The following MYO5B variants were observed in gnomAD, a reference collection of about 807,000 sequenced individuals.
MYO5B encodes unconventional myosin-Vb.
A neutral mutation model predicts 229.3 loss-of-function variants in MYO5B; 143 were observed. The ratio of observed to expected loss-of-function variants is 0.62; its 90% confidence interval spans 0.54 to 0.72. The LOEUF (loss-of-function observed/expected upper bound fraction) is 0.72. Ranked by LOEUF, MYO5B falls within the 30% of genes least tolerant of loss-of-function variation. MYO5B has a pLI of 0.00. For synonymous variants in MYO5B, 918 were observed against 885.2 expected (o/e 1.04, Z -0.66); for missense variants, 2,321 against 2,331.0 (o/e 1.00, Z 0.09).
intron 20 of MYO5B, among the ~76,000 whole-genome samples, chr18:49,903,638 G>T (rs992220693): frequency 6.6e-6 from 1 of 152,144 alleles, no homozygotes; most frequent in African/African-American, 2.4e-5. Flanking sequence ...TATCAATTTC[G>T]TGCTTTACTT....
intron 1 of MYO5B, among the ~76,000 whole-genome samples, chr18:50,080,661 T>G (rs1412086046): frequency 6.6e-6 from 1 of 152,166 alleles, no homozygotes; most frequent in African/African-American, 2.4e-5. Context: ...AAAAAGCCTA[T>G]TGAATCAAGA....
intron 8 of MYO5B, among the ~76,000 whole-genome samples, chr18:49,981,314 AGTTT>A (rs1285124775): frequency 6.6e-6 from 1 of 152,280 alleles, no homozygotes; most frequent in Non-Finnish European, 1.5e-5. Flanking sequence ...CCTTCCACTT[AGTTT>A]AAGAAATACA....
chr18:50,131,679 G>T (rs1599044354), intron 1 of MYO5B, among the ~76,000 whole-genome samples: 1 of 152,178 alleles, frequency 6.6e-6, no homozygotes, highest in African/African-American at 2.4e-5. Flanking sequence ...ACCTATGGGG[G>T]CAACAGGCAG....
intron 4 of MYO5B, among the ~76,000 whole-genome samples, chr18:50,013,848 C>G (rs1258808316): frequency 6.6e-6 from 1 of 152,192 alleles, no homozygotes; most frequent in Non-Finnish European, 1.5e-5. Flanking sequence ...TTATCCAAAG[C>G]TTGGGTTTCC....
rs1038947368 is a variant in MYO5B at position 49,877,188 on chromosome 18, G to C, written c.3396+575C>G. On this transcript the variant is annotated intron_variant, in intron 25 of 39. Transcript: ENST00000285039. ...CTTTTCAAATGCCAGAGGAAAAATT[G>C]TATCTTTTGTACCTTTGACAAAATT... Among the ~76,000 whole-genome samples the C allele has an allele frequency of 2.6e-5, 4 of 152,276 alleles. No homozygotes were observed. In the South Asian group the frequency reaches 6.2e-4, roughly 24 times the overall value.
rs113131249 is a variant in MYO5B, at chr18:49,866,800, C to T, written c.3604-2420G>A. ...AAAGTACAGATCATGGCACTGCAGCCTGGAACACACTATGACATGAGTGAA... is the reference window on the plus strand; with the variant it reads ...AAAGTACAGATCATGGCACTGCAGCTTGGAACACACTATGACATGAGTGAA... On this transcript the variant is annotated intron_variant, in intron 27 of 39. Transcript: ENST00000285039. 6.0e-3 allele frequency among the ~76,000 whole-genome samples: 908 copies of T among 152,302 alleles called. 10 individuals carry two copies. Among genetic ancestry groups the T allele is most frequent in the African/African-American group, 0.02 (844 of 41,566 alleles).
intron 22 of MYO5B, among the ~76,000 whole-genome samples, chr18:49,893,972 G>C (rs978455628): frequency 3.3e-5 from 5 of 152,216 alleles, no homozygotes; most frequent in African/African-American, 1.2e-4. Flanking sequence ...TCTAGAAGGG[G>C]CCTTGGAGAT....
At chr18:50,054,989 G>C (rs1193904800) in intron 2 of MYO5B, among the ~76,000 whole-genome samples, 1 of 152,034 alleles carries the variant, frequency 6.6e-6, no homozygotes. Flanking sequence ...TCAACCTCCT[G>C]TTCCCTCCAC....
intron 4 of MYO5B, among the ~76,000 whole-genome samples, chr18:50,026,632 T>C (rs2026334309): frequency 6.6e-6 from 1 of 152,226 alleles, no homozygotes. Flanking sequence ...AAATGGAATC[T>C]TACTCAACTA....
At chr18:50,145,492 C>A (rs2032485716) in intron 1 of MYO5B, among the ~76,000 whole-genome samples, 1 of 73,710 alleles carries the variant, frequency 1.4e-5, no homozygotes, top group African/African-American at 6.5e-5. Context: ...AGCAAGACTC[C>A]ATCTCAAAAA....
intron 39 of MYO5B, among the ~76,000 whole-genome samples, chr18:49,834,626 T>C (rs2023963464): frequency 6.6e-6 from 1 of 152,152 alleles, no homozygotes; most frequent in African/African-American, 2.4e-5. Flanking sequence ...TCAAGCATTT[T>C]CCTAAAAGCA....
intron 36 of MYO5B, among the ~76,000 whole-genome samples, chr18:49,838,900 T>C (rs752242926): frequency 6.6e-6 from 1 of 152,210 alleles, no homozygotes; most frequent in Non-Finnish European, 1.5e-5. Flanking sequence ...TGGGAAAAAA[T>C]ACAACATATT....
At chr18:49,980,147 CAATT>C (rs1209063587) in intron 9 of MYO5B, among the ~76,000 whole-genome samples, 3 of 152,286 alleles carry the variant, frequency 2.0e-5, no homozygotes, top group Admixed American at 1.3e-4. Flanking sequence ...AGAAAGTACT[CAATT>C]GATTGACAAC....
chr18:50,027,073 C>T (rs1447763299), intron 4 of MYO5B, among the ~76,000 whole-genome samples: 1 of 152,160 alleles, frequency 6.6e-6, no homozygotes, highest in Non-Finnish European at 1.5e-5. Flanking sequence ...TGTGAAAATA[C>T]ACAGTAGAAA....
intron 5 of MYO5B, among the ~76,000 whole-genome samples, chr18:49,995,648 A>G (rs1325401856): frequency 3.3e-5 from 5 of 152,200 alleles, no homozygotes; most frequent in Non-Finnish European, 7.3e-5. Context: ...TCTACTTTCC[A>G]GTGTAAACTG....
intron 21 of MYO5B, among the ~76,000 whole-genome samples, chr18:49,899,815 C>T (rs368254087): frequency 1.6e-4 from 24 of 152,336 alleles, no homozygotes; most frequent in African/African-American, 3.1e-4. Flanking sequence ...CCACTCCTCC[C>T]GTCTTTTCTG....
chr18:49,997,377 T>C (rs1477373382), intron 5 of MYO5B, among the ~76,000 whole-genome samples: 13 of 133,260 alleles, frequency 9.8e-5, no homozygotes, highest in Non-Finnish European at 1.6e-4. Context: ...TTCTTTTTTT[T>C]TTTTTTTTTT....
intron 14 of MYO5B, among the ~76,000 whole-genome samples, chr18:49,939,528 A>T (rs1438574223): frequency 1.3e-5 from 2 of 152,232 alleles, no homozygotes; most frequent in Non-Finnish European, 2.9e-5. Flanking sequence ...ATAGAATTTT[A>T]GATCTGGAAC....
At chr18:49,961,480 T>G (rs1383243704) in intron 12 of MYO5B, among the ~76,000 whole-genome samples, 1 of 152,246 alleles carries the variant, frequency 6.6e-6, no homozygotes, top group Non-Finnish European at 1.5e-5. Flanking sequence ...CAAGCCACAC[T>G]TAAGCCTTTA....
Sources: gnomAD v4.1 joint callset for allele counts (sites outside exome capture counted in the v4.1 genomes callset) on GRCh38, gnomAD v4.1.1 for gene constraint, MANE v1.5 for transcripts, NCBI Gene and HGNC (gene_info 2026-07-23, HGNC 2026-07-21) for gene names.